Variants in KDM2B observed in about 807,000 individuals in gnomAD.
The protein encoded by KDM2B is lysine demethylase 2B.
KDM2B carries 26 observed loss-of-function variants against 150.0 expected under a neutral mutation model. That is an observed-to-expected ratio of 0.17 (90% confidence interval 0.13 to 0.24). The LOEUF is 0.24. KDM2B is among the 10% of genes least tolerant of loss of function. KDM2B has a pLI of 1.00. For synonymous variants in KDM2B, 734 were observed against 729.5 expected (o/e 1.01, Z -0.10); for missense variants, 1,265 against 1,816.9 (o/e 0.70, Z 5.52).
At chr12:121,434,650 G>A (rs1311471869) in intron 22 of KDM2B, among the ~76,000 whole-genome samples, 1 of 151,892 alleles carries the variant, frequency 6.6e-6, no homozygotes, top group Non-Finnish European at 1.5e-5. Flanking sequence ...ATTGAATTTC[G>A]ACATGCAAAA....
intron 8 of KDM2B, among the ~76,000 whole-genome samples, chr12:121,528,098 T>C (rs1386079983): frequency 6.6e-6 from 1 of 152,238 alleles, no homozygotes; most frequent in Non-Finnish European, 1.5e-5. Flanking sequence ...ACCCTGACGC[T>C]GTATTCTCAC....
chr12:121,498,746 T>C (rs1420623149), intron 11 of KDM2B, among the ~76,000 whole-genome samples: 1 of 152,198 alleles, frequency 6.6e-6, no homozygotes, highest in African/African-American at 2.4e-5. Context: ...GAGGGATATT[T>C]AGTTACAAAA....
At chr12:121,424,621 G>A (rs1357576731), downstream of KDM2B, among the ~76,000 whole-genome samples, 1 of 151,846 alleles carries the variant, frequency 6.6e-6, no homozygotes, top group Non-Finnish European at 1.5e-5. Context: ...TGAGGTAGGA[G>A]GATGGCTTGA....
intron 22 of KDM2B, among the ~76,000 whole-genome samples, chr12:121,434,240 AGAATC>A (rs1873568448): frequency 6.6e-6 from 1 of 152,164 alleles, no homozygotes; most frequent in South Asian, 2.1e-4. Context: ...CCAATGGAAT[AGAATC>A]AAGAGCTCGG....
chr12:121,460,509 C>T (rs1160900310), intron 12 of KDM2B, among the ~76,000 whole-genome samples: 1 of 152,216 alleles, frequency 6.6e-6, no homozygotes, highest in Non-Finnish European at 1.5e-5. Context: ...AGGTGATCCT[C>T]CCACGTCAGC....
At chr12:121,417,143 G>A in the KDM2B span, among the ~76,000 whole-genome samples, 9 of 152,174 alleles carry the variant, frequency 5.9e-5, no homozygotes, top group Non-Finnish European at 1.2e-4. The surrounding 1 kb of genome is among the most constrained non-coding windows in gnomAD (Gnocchi z 5.0). Flanking sequence ...TTTAAATGGA[G>A]GAAATTGTTC....
At chr12:121,431,188 A>G (rs782083995) in intron 22 of KDM2B, among the ~76,000 whole-genome samples, 6 of 151,438 alleles carry the variant, frequency 4.0e-5, no homozygotes, top group African/African-American at 1.2e-4. Flanking sequence ...CTGGAGTGCA[A>G]TGGTGCACTC....
At chr12:121,424,710 C>CAAAAAAAAA (rs112812260), downstream of KDM2B, among the ~76,000 whole-genome samples, 1 of 116,506 alleles carries the variant, frequency 8.6e-6, no homozygotes. Flanking sequence ...GACCTTGTCT[C>CAAAAAAAAA]AAAAAAAAAA....
At chr12:121,514,520 C>G (rs909365603) in intron 9 of KDM2B, among the ~76,000 whole-genome samples, 1 of 151,722 alleles carries the variant, frequency 6.6e-6, no homozygotes, top group Non-Finnish European at 1.5e-5. Context: ...GTCCCTGACA[C>G]CCACACGGGG....
At chr12:121,504,092 G>A (rs1555302554) in intron 11 of KDM2B, among the ~76,000 whole-genome samples, 1 of 152,132 alleles carries the variant, frequency 6.6e-6, no homozygotes, top group Non-Finnish European at 1.5e-5. Flanking sequence ...TATCATTTAT[G>A]TTGAGACAGG....
intron 6 of KDM2B, among the ~76,000 whole-genome samples, chr12:121,546,176 G>A (rs1555310649): frequency 6.6e-6 from 1 of 152,066 alleles, no homozygotes; most frequent in Non-Finnish European, 1.5e-5. Flanking sequence ...CCTCCCCACT[G>A]TAAACCCCAG....
the KDM2B span, chr12:121,420,523 T>C: frequency 1.3e-6 from 2 of 1,592,510 alleles, no homozygotes; most frequent in Non-Finnish European, 1.7e-6. Context: ...GAGTTTAGAG[T>C]GGGGAGGGTC....
chr12:121,578,618 C>G (rs1555317249), intron 2 of KDM2B, among the ~76,000 whole-genome samples, 184 bp downstream of exon 2: 1 of 152,046 alleles, frequency 6.6e-6, no homozygotes, highest in East Asian at 1.9e-4. Flanking sequence ...CCCGGCCCCC[C>G]TTACTGCCTG....
intron 6 of KDM2B, among the ~76,000 whole-genome samples, chr12:121,535,325 G>C (rs28481788): frequency 0.49 from 74,895 of 151,976 alleles, 18,702 homozygotes; most frequent in African/African-American, 0.54. Context: ...AAGACCAAGC[G>C]GTGTCTGGTC....
chr12:121,526,547 G>A (rs1215436575), intron 8 of KDM2B, among the ~76,000 whole-genome samples: 1 of 151,780 alleles, frequency 6.6e-6, no homozygotes, highest in Non-Finnish European at 1.5e-5. Flanking sequence ...GAGATCTTGG[G>A]CCTTAGGTAT....
Position 121,429,991 on chromosome 12 carries a change from G to A in KDM2B, c.*297C>T, listed in dbSNP as rs1277081515. 4 of 850,188 alleles carry A rather than the reference G, an allele frequency of 4.7e-6. No individual in the cohort carries two copies. Among genetic ancestry groups the A allele is most frequent in the Non-Finnish European group, 6.0e-6 (3 of 496,028 alleles). The allele number at this position is 850,188 out of a possible 1,614,324, so 52.7% of individuals were successfully genotyped here. A position where few individuals can be genotyped will look rare whatever the true frequency, so the allele number is the denominator to read the frequency against. On this transcript the variant is annotated 3_prime_UTR_variant, in exon 23 of 23. Transcript: ENST00000377071. ...CAGAAACTCCTAAGCTCATGCTTCA[G>A]TATGAGAATTTCTCCGAAGTCCACC...
intron 10 of KDM2B, among the ~76,000 whole-genome samples, chr12:121,512,247 C>A (rs1046409375): frequency 2.6e-5 from 4 of 152,164 alleles, no homozygotes; most frequent in African/African-American, 9.6e-5. Context: ...CTTTCCAACC[C>A]CCTGAATATC....
At chr12:121,454,709 G>A (rs1353479157) in intron 12 of KDM2B, among the ~76,000 whole-genome samples, 2 of 152,148 alleles carry the variant, frequency 1.3e-5, no homozygotes, top group Non-Finnish European at 1.5e-5. Context: ...GGCATCTAAC[G>A]CCTAAAGCCC....
chr12:121,535,086 T>C (rs1401506184), intron 6 of KDM2B, among the ~76,000 whole-genome samples: 5 of 152,000 alleles, frequency 3.3e-5, no homozygotes, highest in African/African-American at 1.2e-4. Flanking sequence ...CCTCATTCAT[T>C]CAACCAGAGG....
Sources: allele counts gnomAD v4.1 joint callset (sites outside exome capture counted in the v4.1 genomes callset), GRCh38; gene constraint gnomAD v4.1.1; non-coding constraint Gnocchi (gnomAD v3.1); transcripts MANE v1.5; gene names NCBI Gene and HGNC (gene_info 2026-07-23, HGNC 2026-07-21).